CTTNBP2: variants seen among roughly 807,000 people sequenced by gnomAD.
CTTNBP2 encodes the protein cortactin binding protein 2.
In CTTNBP2, 108 loss-of-function variants were observed where a neutral mutation model predicts 156.9. The observed-to-expected ratio is 0.69, with a 90% CI of 0.59 to 0.81. The LOEUF (loss-of-function observed/expected upper bound fraction) is 0.81. Ranked by LOEUF, CTTNBP2 falls within the 30% of genes least tolerant of loss-of-function variation. The probability of loss-of-function intolerance (pLI) is 0.00; values close to 1 mark genes in which losing one functional copy is unlikely to be tolerated. For synonymous variants in CTTNBP2, 767 were observed against 751.8 expected, an observed-to-expected ratio of 1.02 and a Z score of -0.33; for missense variants, 1,924 against 2,035.4, an observed-to-expected ratio of 0.95 and a Z score of 1.05.
chr7:117,825,292 G>A lies in CTTNBP2; in HGVS notation c.190-14303C>T, dbSNP rs540296676. Among the ~76,000 whole-genome samples the A allele has an allele frequency of 3.3e-5, 5 of 152,318 alleles. No homozygotes were observed. The South Asian group carries it at 1.0e-3, about 32-fold the overall frequency. On this transcript the variant is annotated intron_variant, in intron 2 of 22. Transcript: ENST00000160373. ...GAAAAGTCTCTCATCGTCTGTCCTT[G>A]CAGAGTATAAGGGAATGACCAGCTC...
chr7:117,808,758 C>A (rs1800091724), intron 3 of CTTNBP2, among the ~76,000 whole-genome samples: 1 of 152,058 alleles, frequency 6.6e-6, no homozygotes, highest in African/African-American at 2.4e-5. Flanking sequence ...ATTTACTCTA[C>A]ATGCGAGGGA....
intron 2 of CTTNBP2, among the ~76,000 whole-genome samples, chr7:117,856,674 A>C (rs1803340698): frequency 1.3e-5 from 2 of 152,228 alleles, no homozygotes; most frequent in African/African-American, 4.8e-5. Context: ...GTTTATGGTC[A>C]ATCTCATTTA....
chr7:117,775,927 A>G (rs933748403), intron 8 of CTTNBP2, among the ~76,000 whole-genome samples: 1 of 152,194 alleles, frequency 6.6e-6, no homozygotes, highest in African/African-American at 2.4e-5. Context: ...CTGCTAACAA[A>G]CAATACCTCC....
chr7:117,795,336 A>G (rs1003944765), intron 3 of CTTNBP2, among the ~76,000 whole-genome samples: 5 of 152,214 alleles, frequency 3.3e-5, no homozygotes, highest in African/African-American at 1.2e-4. Context: ...TAGAACTATT[A>G]AGAAAATTTA....
intron 14 of CTTNBP2, among the ~76,000 whole-genome samples, chr7:117,737,421 C>G (rs1312983769): frequency 6.6e-6 from 1 of 152,162 alleles, no homozygotes; most frequent in African/African-American, 2.4e-5. Flanking sequence ...TTAAGTGGCT[C>G]TGAAGCTGCT....
chr7:117,774,637 A>G (rs1392301897), intron 8 of CTTNBP2, among the ~76,000 whole-genome samples: 1 of 73,692 alleles, frequency 1.4e-5, no homozygotes. Context: ...ACCCCCAACC[A>G]TGGAAAAATT....
At chr7:117,851,736 C>T (rs572513688) in intron 2 of CTTNBP2, among the ~76,000 whole-genome samples, 1 of 152,228 alleles carries the variant, frequency 6.6e-6, no homozygotes, top group South Asian at 2.1e-4. Context: ...GTTACTATTC[C>T]CATACAGGCA....
intron 2 of CTTNBP2, among the ~76,000 whole-genome samples, chr7:117,851,913 G>C (rs2117195758): frequency 6.6e-6 from 1 of 152,212 alleles, no homozygotes; most frequent in Admixed American, 6.5e-5. Context: ...CACGGAAAGA[G>C]ACTCATCAAT....
rs1563026475 is a variant in CTTNBP2 at position 117,806,755 on chromosome 7, T to TG, written c.414+4009_414+4010insC. Among the ~76,000 whole-genome samples, 22 of 129,074 alleles carry TG rather than the reference T, an allele frequency of 1.7e-4. No individual in the cohort carries two copies. The South Asian group carries it at 2.0e-3, about 12-fold the overall frequency. 84.7% of individuals were successfully genotyped at this position (129,074 alleles called of 152,430 possible). A position where few individuals can be genotyped will look rare whatever the true frequency, so the allele number is the denominator to read the frequency against. ...TTCTTCTTTTTCTCATTTTTTTTTT[T>TG]TTTTTTTTTTTTTTTTATTTTGAGA... On this transcript the variant is annotated intron_variant, in intron 3 of 22. Coordinates refer to ENST00000160373, the MANE Select transcript of CTTNBP2 (RefSeq NM_033427.3).
Position 117,810,916 on chromosome 7 carries a change from T to C in CTTNBP2, c.263A>G (p.Gln88Arg), listed in dbSNP as rs372806158. ...ACCAGCACCTGCTTCATAGTCTCTC[T>C]GGAGTGCCAGGAACGGGTCATTTAG... ...FNLNDPFLAL[Q>R]RDYEAGAGDK... Residue 88 changes from glutamine to arginine, a missense_variant, in exon 3 of 23, where the codon CAG (glutamine) becomes CGG (arginine). Coordinates refer to ENST00000160373, the MANE Select transcript of CTTNBP2 (RefSeq NM_033427.3). 6.4e-5 allele frequency: 103 copies of C among 1,614,040 alleles called. No homozygotes were observed. The highest frequency in any genetic ancestry group is 8.3e-5 in the Non-Finnish European group (98 of 1,180,018).
rs1293394198 is a variant in CTTNBP2 at position 117,710,919 on chromosome 7, T to C, written c.*618A>G. On this transcript the variant is annotated 3_prime_UTR_variant, in exon 23 of 23. Coordinates refer to ENST00000160373, the MANE Select transcript of CTTNBP2 (RefSeq NM_033427.3). ...GAGTCATAATGCAAACTTATAAGCA[T>C]AAATATATACATGATGCTACCAAAT... 1 of 152,612 alleles carries C rather than the reference T, an allele frequency of 6.6e-6. No homozygotes were observed. The highest frequency in any genetic ancestry group is 2.4e-5 in the African/African-American group (1 of 41,460). 9.5% of individuals were successfully genotyped at this position (152,612 alleles called of 1,614,324 possible). A position where few individuals can be genotyped will look rare whatever the true frequency, so the allele number is the denominator to read the frequency against.
chr7:117,793,508 G>C (rs1222584367), intron 3 of CTTNBP2: 3 of 152,612 alleles, frequency 2.0e-5, no homozygotes, highest in Non-Finnish European at 4.4e-5. Flanking sequence ...TGTCCTTGCT[G>C]TTCTCTCTGC....
chr7:117,769,499 G>T (rs544579563), intron 8 of CTTNBP2, among the ~76,000 whole-genome samples: 1 of 152,170 alleles, frequency 6.6e-6, no homozygotes. Context: ...TGCCATTTAA[G>T]TCTGGCAATC....
intron 2 of CTTNBP2, among the ~76,000 whole-genome samples, chr7:117,826,431 A>C (rs1473416103): frequency 6.6e-6 from 1 of 152,184 alleles, no homozygotes; most frequent in Non-Finnish European, 1.5e-5. Context: ...CTAAAGCATC[A>C]CATTTAGGAA....
At chr7:117,755,654 C>G in intron 12 of CTTNBP2, 1 of 441,466 alleles carries the variant, frequency 2.3e-6, no homozygotes, top group East Asian at 7.1e-5. Flanking sequence ...TGGCATATTG[C>G]CTGGCATGTA....
chr7:117,725,330 C>T (rs1176294996), intron 17 of CTTNBP2, 73 bp from the exon 18 acceptor site: 1 of 1,365,580 alleles, frequency 7.3e-7, no homozygotes, highest in Non-Finnish European at 1.0e-6. Context: ...CGTGAAAGGA[C>T]AGTTTGAAGA....
chr7:117,732,867 C>T (rs1291320478), intron 16 of CTTNBP2, among the ~76,000 whole-genome samples: 6 of 152,050 alleles, frequency 3.9e-5, no homozygotes, highest in African/African-American at 1.2e-4. Context: ...ATTGATATCA[C>T]TGTACTATCT....
chr7:117,823,865 A>G (rs1019159974), intron 2 of CTTNBP2, among the ~76,000 whole-genome samples: 1 of 151,144 alleles, frequency 6.6e-6, no homozygotes, highest in African/African-American at 2.4e-5. Context: ...TAATTTTTGT[A>G]TTTTTTGTAG....
chr7:117,827,875 A>G (rs945969307), intron 2 of CTTNBP2, among the ~76,000 whole-genome samples: 9 of 152,210 alleles, frequency 5.9e-5, no homozygotes, highest in Admixed American at 5.9e-4. Context: ...ACACAAGTTG[A>G]CTTGGCTAAA....
Sources: allele counts gnomAD v4.1 joint callset (sites outside exome capture counted in the v4.1 genomes callset), GRCh38; gene constraint gnomAD v4.1.1; transcripts MANE v1.5; gene names NCBI Gene and HGNC (gene_info 2026-07-23, HGNC 2026-07-21).